The following ARSB variants were observed in gnomAD, a reference collection of about 807,000 sequenced individuals.
ARSB encodes arylsulfatase B.
In ARSB, 41 loss-of-function variants were observed where a neutral mutation model predicts 50.9. That is an observed-to-expected ratio of 0.81 (90% CI 0.63 to 1.04). The LOEUF (loss-of-function observed/expected upper bound fraction) is 1.04. ARSB is among the 50% of genes least tolerant of loss of function. ARSB has a pLI of 0.00. For synonymous variants in ARSB, 269 were observed against 284.8 expected (o/e 0.94, Z 0.56); for missense variants, 672 against 693.3 (o/e 0.97, Z 0.35).
rs192172328 is a variant in ARSB, at chr5:78,790,930, G to A, written c.1214-8956C>T. On this transcript the variant is annotated intron_variant, in intron 6 of 7. Transcript: ENST00000264914. ...ATTTAAAGAGGGTTGGGGTAAAAAG[G>A]ATTTATGTGTAGAAGCTGTAATTTA... Among the ~76,000 whole-genome samples, 452 of 152,290 alleles carry A rather than the reference G, an allele frequency of 3.0e-3. 4 individuals are homozygous for A. The highest frequency in any genetic ancestry group is 2.7e-3 in the Non-Finnish European group (183 of 68,016).
chr5:78,804,395 A>G (rs537938638), intron 6 of ARSB, among the ~76,000 whole-genome samples: 77 of 152,290 alleles, frequency 5.1e-4, no homozygotes, highest in Middle Eastern at 3.4e-3. Context: ...GTCATCACAT[A>G]AGCCTCTCTT....
intron 6 of ARSB, among the ~76,000 whole-genome samples, chr5:78,831,274 G>A (rs764736995): frequency 6.6e-6 from 1 of 151,896 alleles, no homozygotes; most frequent in Non-Finnish European, 1.5e-5. Flanking sequence ...AGGGCTTTCT[G>A]GCACCCCCAA....
chr5:78,853,893 GTT>G (rs964381440), intron 5 of ARSB, among the ~76,000 whole-genome samples: 1 of 152,240 alleles, frequency 6.6e-6, no homozygotes, highest in African/African-American at 2.4e-5. Flanking sequence ...CTAGTGTGCC[GTT>G]TTTTAAGCCC....
intron 4 of ARSB, among the ~76,000 whole-genome samples, chr5:78,944,348 G>C (rs1452638144): frequency 6.6e-6 from 1 of 152,200 alleles, no homozygotes. Context: ...GAGGAGGAGA[G>C]GCACTCTGAT....
intron 4 of ARSB, among the ~76,000 whole-genome samples, chr5:78,922,770 G>C (rs1749883694): frequency 6.6e-6 from 1 of 151,858 alleles, no homozygotes; most frequent in Non-Finnish European, 1.5e-5. Context: ...CTGATTCCAG[G>C]CCTTGGTTCT....
chr5:78,913,927 A>G (rs1749423935), intron 4 of ARSB, among the ~76,000 whole-genome samples: 1 of 151,690 alleles, frequency 6.6e-6, no homozygotes, highest in African/African-American at 2.4e-5. Flanking sequence ...AATAATAATA[A>G]TTCACATTTT....
At chr5:78,951,760 A>T (rs948753534) in intron 4 of ARSB, among the ~76,000 whole-genome samples, 4 of 152,210 alleles carry the variant, frequency 2.6e-5, no homozygotes, top group African/African-American at 9.6e-5. Context: ...AACTATGGAA[A>T]TAATTTTTTA....
chr5:78,793,588 A>G (rs77674617), intron 6 of ARSB, among the ~76,000 whole-genome samples: 1,927 of 152,358 alleles, frequency 0.013, 43 homozygotes, highest in African/African-American at 0.044. Context: ...GTAAGGAGAC[A>G]GCAGAGAGCT....
At chr5:78,969,467 C>G (rs1284076285) in intron 1 of ARSB, among the ~76,000 whole-genome samples, 1 of 143,316 alleles carries the variant, frequency 7.0e-6, no homozygotes, top group East Asian at 2.0e-4. Flanking sequence ...TAACTTGTTA[C>G]TTTTTGCCTC....
At chr5:78,909,661 G>C (rs576850063) in intron 4 of ARSB, among the ~76,000 whole-genome samples, 1 of 152,306 alleles carries the variant, frequency 6.6e-6, no homozygotes, top group South Asian at 2.1e-4. Context: ...ATGCACTGCA[G>C]AAAGCCACAG....
intron 1 of ARSB, among the ~76,000 whole-genome samples, chr5:78,978,813 T>C (rs764335964): frequency 6.6e-5 from 10 of 152,152 alleles, no homozygotes; most frequent in Non-Finnish European, 1.0e-4. Flanking sequence ...ATACCTCAAA[T>C]TGTACATAAA....
chr5:78,821,480 A>G (rs1484282050), intron 6 of ARSB, among the ~76,000 whole-genome samples: 1 of 152,236 alleles, frequency 6.6e-6, no homozygotes, highest in Admixed American at 6.5e-5. Flanking sequence ...ACAAATAATG[A>G]AAATGGAAAT....
At chr5:78,833,140 A>G (rs1744770597) in intron 6 of ARSB, among the ~76,000 whole-genome samples, 1 of 151,886 alleles carries the variant, frequency 6.6e-6, no homozygotes, top group South Asian at 2.1e-4. Flanking sequence ...AGGAGTGTGG[A>G]ATTTGGGGCT....
chr5:78,961,170 C>T (rs1392413610), intron 3 of ARSB, among the ~76,000 whole-genome samples: 1 of 152,128 alleles, frequency 6.6e-6, no homozygotes, highest in African/African-American at 2.4e-5. Flanking sequence ...CCTTATGCTA[C>T]AATCTATATA....
chr5:78,906,931 A>C lies in ARSB; in HGVS notation c.899-21104T>G, dbSNP rs189263924. On this transcript the variant is annotated intron_variant, in intron 4 of 7. Transcript: ENST00000264914. The stretch of plus-strand genomic sequence containing the variant: ...ATGTCAGGTAAGAATAAAAAAGGAA[A>C]CAATTATTTGACACACCTTAATTAA... 9.7e-4 allele frequency among the ~76,000 whole-genome samples: 147 copies of C among 152,288 alleles called. 1 individual carries two copies. Among genetic ancestry groups the C allele is most frequent in the Middle Eastern group, 3.4e-3 (1 of 294 alleles).
At chr5:78,875,671 A>T (rs916167354) in intron 5 of ARSB, among the ~76,000 whole-genome samples, 4 of 145,074 alleles carry the variant, frequency 2.8e-5, no homozygotes, top group Admixed American at 6.9e-5. Flanking sequence ...TTATATTATT[A>T]TTATTTTTTT....
intron 4 of ARSB, among the ~76,000 whole-genome samples, chr5:78,916,360 CACAG>C (rs1244636894): frequency 6.6e-6 from 1 of 152,190 alleles, no homozygotes; most frequent in Non-Finnish European, 1.5e-5. Flanking sequence ...GGCCTGGGCA[CACAG>C]ACAAACTGTC....
At chr5:78,888,857 T>G (rs1012896133) in intron 4 of ARSB, among the ~76,000 whole-genome samples, 1 of 152,244 alleles carries the variant, frequency 6.6e-6, no homozygotes, top group African/African-American at 2.4e-5. Flanking sequence ...TAGTTCTCTG[T>G]GATGTTTTGC....
intron 5 of ARSB, among the ~76,000 whole-genome samples, chr5:78,882,061 G>A (rs1239592679): frequency 3.9e-5 from 6 of 152,200 alleles, no homozygotes; most frequent in African/African-American, 9.7e-5. Context: ...GATTCTTCTC[G>A]GCCTCTCTGG....
Sources: allele counts gnomAD v4.1 joint callset (sites outside exome capture counted in the v4.1 genomes callset), GRCh38; gene constraint gnomAD v4.1.1; transcripts MANE v1.5; gene names NCBI Gene and HGNC (gene_info 2026-07-23, HGNC 2026-07-21).